Variants in ROCK1 observed in about 807,000 individuals in gnomAD.
The protein encoded by ROCK1 is rho-associated protein kinase 1.
ROCK1 carries 36 observed loss-of-function variants against 196.8 expected under a neutral mutation model. The ratio of observed to expected loss-of-function variants is 0.18; its 90% confidence interval spans 0.14 to 0.24. The LOEUF is 0.24. Ranked by LOEUF, ROCK1 falls within the 10% of genes least tolerant of loss-of-function variation. The probability of loss-of-function intolerance (pLI) is 1.00; values close to 1 mark genes in which losing one functional copy is unlikely to be tolerated. For missense variants in ROCK1, 920 were observed against 1,562.0 expected (o/e 0.59, Z 6.93); for synonymous variants, 443 against 515.9 (o/e 0.86, Z 1.91).
intron 22 of ROCK1, among the ~76,000 whole-genome samples, chr18:20,976,794 T>C (rs750848703): frequency 1.3e-5 from 2 of 152,184 alleles, no homozygotes; most frequent in South Asian, 4.1e-4. Flanking sequence ...GGACATCCCA[T>C]AGGCACCTCA....
At chr18:21,091,763 G>A (rs1315066200) in intron 1 of ROCK1, among the ~76,000 whole-genome samples, 1 of 152,112 alleles carries the variant, frequency 6.6e-6, no homozygotes, top group Admixed American at 6.5e-5. Flanking sequence ...TTGAGCCCAT[G>A]AGTTTGAGAC....
intron 22 of ROCK1, among the ~76,000 whole-genome samples, chr18:20,970,715 T>TA (rs1228999146): frequency 6.6e-6 from 1 of 152,196 alleles, no homozygotes; most frequent in Admixed American, 6.5e-5. Flanking sequence ...AAAGAACTAT[T>TA]TAGTTTTCTA....
At chr18:21,056,972 G>A (rs1212695033) in intron 2 of ROCK1, among the ~76,000 whole-genome samples, 1 of 152,090 alleles carries the variant, frequency 6.6e-6, no homozygotes, top group Non-Finnish European at 1.5e-5. Context: ...CTTTTAACAA[G>A]GCCTACCCTG....
intron 1 of ROCK1, among the ~76,000 whole-genome samples, chr18:21,077,209 A>C (rs1302718533): frequency 6.6e-6 from 1 of 151,184 alleles, no homozygotes; most frequent in Non-Finnish European, 1.5e-5. Flanking sequence ...TCCTGACCTC[A>C]TGATCCACCC....
At position 21,111,046 on chromosome 18, in the gene ROCK1, C is replaced by T. The variant is rs754282677; in HGVS notation, c.-136G>A. On this transcript the variant is annotated 5_prime_UTR_variant, in exon 1 of 33. Transcript: ENST00000399799. This position sits in a 1 kb window ranked among gnomAD's most constrained non-coding sequence, Gnocchi z 4.2. ...CAGGGTCACCAGGTGCGCCCGGTTC[C>T]CCCGTCTTCCCCTCACTGAGGGGAC... The T allele has an allele frequency of 3.0e-6, 2 of 665,198 alleles. No homozygotes were observed. The highest frequency in any genetic ancestry group is 5.3e-6 in the Non-Finnish European group (2 of 379,514). 41.2% of individuals were successfully genotyped at this position (665,198 alleles called of 1,614,324 possible). A position where few individuals can be genotyped will look rare whatever the true frequency, so the allele number is the denominator to read the frequency against.
At chr18:21,091,427 A>AC (rs1357905126) in intron 1 of ROCK1, among the ~76,000 whole-genome samples, 1 of 151,768 alleles carries the variant, frequency 6.6e-6, no homozygotes, top group Non-Finnish European at 1.5e-5. Context: ...ACATGGTGAA[A>AC]CCCCGTCTCT....
At position 20,949,507 on chromosome 18, in the gene ROCK1, A is replaced by T. The variant is rs1379581095; in HGVS notation, c.*1877T>A. On this transcript the variant is annotated 3_prime_UTR_variant, in exon 33 of 33. Transcript: ENST00000399799. ...ATCATAGGTGGGAGACGTTATCTTT[A>T]TTATACTGGACAGTAAAAGAACCCG... 1 of 152,304 alleles carries T rather than the reference A, an allele frequency of 6.6e-6. No homozygotes were observed. Among genetic ancestry groups the T allele is most frequent in the Non-Finnish European group, 1.5e-5 (1 of 68,074 alleles). The allele number at this position is 152,304 out of a possible 1,614,324, so 9.4% of individuals were successfully genotyped here.
intron 9 of ROCK1, among the ~76,000 whole-genome samples, chr18:21,031,803 A>G (rs1276139361): frequency 6.6e-6 from 1 of 152,080 alleles, no homozygotes; most frequent in Non-Finnish European, 1.5e-5. Flanking sequence ...AACCAAATAG[A>G]AATTCTAGCA....
At chr18:20,973,564 ACCACACCC>A (rs2035450710) in intron 22 of ROCK1, among the ~76,000 whole-genome samples, 1 of 152,140 alleles carries the variant, frequency 6.6e-6, no homozygotes, top group Non-Finnish European at 1.5e-5. Flanking sequence ...GGCATGAGTC[ACCACACCC>A]GACCAAGTCA....
intron 10 of ROCK1, among the ~76,000 whole-genome samples, chr18:21,027,394 A>T (rs1438416556): frequency 6.6e-6 from 1 of 152,204 alleles, no homozygotes; most frequent in East Asian, 1.9e-4. Context: ...TAAGTTATCA[A>T]AGATATCTGT....
intron 16 of ROCK1, 120 bp downstream of exon 16, chr18:21,006,231 G>T: frequency 1.3e-6 from 1 of 741,276 alleles, no homozygotes; most frequent in Non-Finnish European, 2.1e-6. Context: ...CTTATATGAT[G>T]ATGGTTGCAT....
chr18:21,056,438 A>G (rs2036245690), intron 2 of ROCK1, among the ~76,000 whole-genome samples: 1 of 151,822 alleles, frequency 6.6e-6, no homozygotes, highest in Admixed American at 6.6e-5. Context: ...TTTTTCTTAC[A>G]CTCCACATCC....
At position 20,992,811 on chromosome 18, in the gene ROCK1, GTA is replaced by G; in HGVS notation, c.1992+18_1992+19del. 1 of 1,323,652 alleles carries G rather than the reference GTA, an allele frequency of 7.6e-7. No homozygotes were observed. The highest frequency in any genetic ancestry group is 1.1e-6 in the Non-Finnish European group (1 of 921,232). The allele number at this position is 1,323,652 out of a possible 1,614,324, so 82.0% of individuals were successfully genotyped here. A position where few individuals can be genotyped will look rare whatever the true frequency, so the allele number is the denominator to read the frequency against. On this transcript the variant is annotated intron_variant, in intron 17 of 32. Transcript: ENST00000399799. ...AGTAATTACTATTTTATAATAATTGGTATATGTTAAATCATTTACCTTTTCTG... is the reference window on the plus strand; with the variant it reads ...AGTAATTACTATTTTATAATAATTGGTATGTTAAATCATTTACCTTTTCTG...
Position 20,991,196 on chromosome 18 carries a change from G to T in ROCK1, c.2123C>A (p.Ala708Glu). 6.2e-7 allele frequency: 1 copy of T among 1,607,354 alleles called. No individual in the cohort carries two copies. ...CTTACCACACATTGCCACAGACTTT[G>T]CCTCTTCAATAGATTGATGTTTGTC... Reference protein sequence around the residue: ...LTDKHQSIEEAKSVAMCEMEK... With the variant: ...LTDKHQSIEEEKSVAMCEMEK... Residue 708 changes from alanine (A) to glutamate (E), a missense_variant, in exon 18 of 33, where the codon GCA (alanine) becomes GAA (glutamate). Around this residue, in one of 6 missense-constraint regions of ROCK1, gnomAD observed 520 missense variants for 657.1 expected, o/e 0.79. Transcript: ENST00000399799.
intron 2 of ROCK1, among the ~76,000 whole-genome samples, chr18:21,061,080 ATTT>A (rs772672441): frequency 1.4e-5 from 2 of 140,442 alleles, no homozygotes; most frequent in African/African-American, 2.6e-5. Flanking sequence ...AAATGCTTTT[ATTT>A]TTTTTTTTTT....
At chr18:21,058,087 T>C (rs2036259350) in intron 2 of ROCK1, among the ~76,000 whole-genome samples, 13 of 152,142 alleles carry the variant, frequency 8.5e-5, no homozygotes, top group Admixed American at 8.5e-4. Flanking sequence ...CTGTATACAG[T>C]ATATGAACTT....
chr18:21,096,243 AGGCTGAAGTGCAGT>A (rs1413972088), intron 1 of ROCK1, among the ~76,000 whole-genome samples: 1 of 151,950 alleles, frequency 6.6e-6, no homozygotes, highest in African/African-American at 2.4e-5. Flanking sequence ...TCTGTCACAC[AGGCTGAAGTGCAGT>A]GGCACAATCT....
At chr18:21,061,505 G>C (rs1485432435) in intron 2 of ROCK1, among the ~76,000 whole-genome samples, 1 of 152,222 alleles carries the variant, frequency 6.6e-6, no homozygotes, top group Admixed American at 6.5e-5. Flanking sequence ...GTGTTTCCCA[G>C]GAGTGGGGGT....
chr18:21,023,744 C>T (rs2035934162), intron 10 of ROCK1, 64 bp from the exon 11 acceptor site: 1 of 854,212 alleles, frequency 1.2e-6, no homozygotes, highest in Non-Finnish European at 1.8e-6. Flanking sequence ...CCATGACAAC[C>T]AATAATAAAT....
Sources: allele counts gnomAD v4.1 joint callset (sites outside exome capture counted in the v4.1 genomes callset), GRCh38; gene constraint gnomAD v4.1.1; regional missense constraint gnomAD v4.1.1; non-coding constraint Gnocchi (gnomAD v3.1); transcripts MANE v1.5; gene names NCBI Gene and HGNC (gene_info 2026-07-23, HGNC 2026-07-21).